MITF: variants seen among roughly 807,000 people sequenced by gnomAD.
MITF encodes melanocyte inducing transcription factor, also known as microphthalmia-associated transcription factor.
MITF carries 17 observed loss-of-function variants against 60.5 expected under a neutral mutation model. The ratio of observed to expected loss-of-function variants is 0.28; its 90% CI spans 0.19 to 0.42. The LOEUF (loss-of-function observed/expected upper bound fraction) is 0.42, where lower values mean the gene tolerates loss of function less well. Ranked by LOEUF, MITF falls within the 10% of genes least tolerant of loss-of-function variation. The pLI is 1.00. For missense variants in MITF, 622 were observed against 683.5 expected, an observed-to-expected ratio of 0.91 and a Z score of 1.00; for synonymous variants, 260 against 248.5, an observed-to-expected ratio of 1.05 and a Z score of -0.43.
At chr3:69,844,669 A>G (rs1257420949) in intron 1 of MITF, among the ~76,000 whole-genome samples, 3 of 152,232 alleles carry the variant, frequency 2.0e-5, no homozygotes, top group African/African-American at 7.2e-5. Context: ...AGAAACTATC[A>G]TAAGAGTGAA....
intron 1 of MITF, among the ~76,000 whole-genome samples, chr3:69,776,623 CAGTT>C (rs1368889661): frequency 2.6e-5 from 4 of 152,162 alleles, no homozygotes; most frequent in East Asian, 1.9e-4. Context: ...GTCTTGCAGA[CAGTT>C]AGTCTGCAAG....
intron 1 of MITF, among the ~76,000 whole-genome samples, chr3:69,780,191 T>C (rs2062541411): frequency 6.6e-6 from 1 of 152,150 alleles, no homozygotes; most frequent in African/African-American, 2.4e-5. Context: ...GTGGAAACGA[T>C]GTTAGGCTGG....
intron 2 of MITF, among the ~76,000 whole-genome samples, chr3:69,915,728 C>G (rs924454394): frequency 1.3e-5 from 2 of 152,176 alleles, no homozygotes; most frequent in African/African-American, 2.4e-5. Flanking sequence ...AGCAGTACCT[C>G]TAACACACTG....
intron 2 of MITF, among the ~76,000 whole-genome samples, chr3:69,934,977 G>C (rs1286287729): frequency 2.6e-5 from 4 of 152,116 alleles, no homozygotes; most frequent in Non-Finnish European, 5.9e-5. Flanking sequence ...TGGAGATTTT[G>C]AGCTAGGCTG....
At chr3:69,930,476 A>G (rs1465807283) in intron 2 of MITF, among the ~76,000 whole-genome samples, 1 of 152,156 alleles carries the variant, frequency 6.6e-6, no homozygotes, top group East Asian at 1.9e-4. Flanking sequence ...CTTGGCTGGA[A>G]TGCCGTTCCT....
chr3:69,796,247 C>T (rs1397347434), intron 1 of MITF, among the ~76,000 whole-genome samples: 1 of 152,074 alleles, frequency 6.6e-6, no homozygotes, highest in Non-Finnish European at 1.5e-5. Flanking sequence ...TCCTAAAGTG[C>T]TGGGATTACA....
intron 4 of MITF, among the ~76,000 whole-genome samples, chr3:69,940,643 C>A (rs1471328650): frequency 6.6e-6 from 1 of 152,124 alleles, no homozygotes; most frequent in East Asian, 1.9e-4. Flanking sequence ...TAGCCAGTGG[C>A]CTGGGAGCCA....
chr3:69,834,243 T>C (rs1396599664), intron 1 of MITF, among the ~76,000 whole-genome samples: 1 of 152,200 alleles, frequency 6.6e-6, no homozygotes, highest in Non-Finnish European at 1.5e-5. Flanking sequence ...TACTGTACAA[T>C]AGAACACCAG....
intron 1 of MITF, among the ~76,000 whole-genome samples, chr3:69,790,704 C>G (rs550417871): frequency 6.6e-6 from 1 of 152,268 alleles, no homozygotes; most frequent in South Asian, 2.1e-4. Context: ...ACCCCTATAT[C>G]TCGCTTCTCT....
chr3:69,940,571 C>A (rs916252390), intron 4 of MITF, among the ~76,000 whole-genome samples: 1 of 152,146 alleles, frequency 6.6e-6, no homozygotes, highest in Non-Finnish European at 1.5e-5. Flanking sequence ...GAGTACCAAG[C>A]ACACTGGTAG....
intron 1 of MITF, among the ~76,000 whole-genome samples, chr3:69,775,223 G>C (rs1228324045): frequency 1.3e-5 from 2 of 152,162 alleles, no homozygotes. Flanking sequence ...GGGCCAAGGA[G>C]CACAGCTGTT....
chr3:69,820,730 C>CA (rs2063255935), intron 1 of MITF, among the ~76,000 whole-genome samples: 2 of 152,220 alleles, frequency 1.3e-5, no homozygotes, highest in African/African-American at 4.8e-5. Context: ...TGTAATCAAT[C>CA]ATTATAGAAG....
rs115964265 is a variant in MITF, at chr3:69,825,265, G to T, written c.105-53869G>T. 7.3e-3 allele frequency among the ~76,000 whole-genome samples: 1,117 copies of T among 152,300 alleles called. 2 individuals are homozygous for T. Among genetic ancestry groups the T allele is most frequent in the Non-Finnish European group, 0.011 (737 of 68,030 alleles). On this transcript the variant is annotated intron_variant, in intron 1 of 9. Coordinates refer to ENST00000352241, the MANE Select transcript of MITF (RefSeq NM_001354604.2). ...GAATCTAATGGATTTGTTCAAAGGAGCGTGAAATCAGAATGTATGTGCTAT... is the reference window on the plus strand; with the variant it reads ...GAATCTAATGGATTTGTTCAAAGGATCGTGAAATCAGAATGTATGTGCTAT...
At chr3:69,932,908 T>C (rs992841036) in intron 2 of MITF, among the ~76,000 whole-genome samples, 1 of 152,170 alleles carries the variant, frequency 6.6e-6, no homozygotes, top group African/African-American at 2.4e-5. Flanking sequence ...TGGTGATAGA[T>C]AACAATTGAT....
chr3:69,898,086 A>G (rs924709553), intron 2 of MITF, among the ~76,000 whole-genome samples: 2 of 152,234 alleles, frequency 1.3e-5, no homozygotes, highest in African/African-American at 4.8e-5. Context: ...AATCACAGAA[A>G]TGCATGCACA....
At position 69,959,254 on chromosome 3, in the gene MITF, T is replaced by C. The variant is rs565876603; in HGVS notation, c.1032-19T>C. The C allele has an allele frequency of 6.9e-5, 111 of 1,613,672 alleles. 1 individual carries two copies. In the South Asian group the frequency reaches 1.2e-3, roughly 17 times the overall value. ...CCTCAAATCCTAAAAATATCTGTTT[T>C]CCTCCATTTTCATCGCAGAGACATG... On this transcript the variant is annotated intron_variant, in intron 8 of 9. Transcript: ENST00000352241.
chr3:69,834,355 T>C (rs1301700183), intron 1 of MITF, among the ~76,000 whole-genome samples: 1 of 152,218 alleles, frequency 6.6e-6, no homozygotes, highest in Non-Finnish European at 1.5e-5. Context: ...ACTACTGTTC[T>C]GTTTTCTACT....
At chr3:69,821,018 TC>T (rs1236284462) in intron 1 of MITF, among the ~76,000 whole-genome samples, 7 of 152,168 alleles carry the variant, frequency 4.6e-5, no homozygotes, top group African/African-American at 1.7e-4. Flanking sequence ...TAGGATATTT[TC>T]CAAACCCACA....
intron 2 of MITF, among the ~76,000 whole-genome samples, chr3:69,918,528 G>T (rs1474743302): frequency 1.3e-5 from 2 of 152,130 alleles, no homozygotes; most frequent in African/African-American, 4.8e-5. Flanking sequence ...GCAGTGCATT[G>T]ATTACCTCTG....
Sources: allele counts gnomAD v4.1 joint callset (sites outside exome capture counted in the v4.1 genomes callset), GRCh38; gene constraint gnomAD v4.1.1; transcripts MANE v1.5; gene names NCBI Gene and HGNC (gene_info 2026-07-23, HGNC 2026-07-21).